The following ETV6 variants were observed in gnomAD, a reference collection of about 807,000 sequenced individuals.
The protein encoded by ETV6 is ETS variant transcription factor 6.
Under a neutral mutation model 51.1 loss-of-function variants are expected in ETV6, and 16 were observed. That is an observed-to-expected ratio of 0.31 (90% CI 0.21 to 0.48). The LOEUF is 0.48. Among genes scored for constraint, ETV6 ranks in the 20% least tolerant of loss-of-function variants. ETV6 has a pLI of 0.99. For synonymous variants in ETV6, 240 were observed against 224.1 expected, an observed-to-expected ratio of 1.07 and a Z score of -0.64; for missense variants, 458 against 594.8, an observed-to-expected ratio of 0.77 and a Z score of 2.39.
intron 1 of ETV6, among the ~76,000 whole-genome samples, chr12:11,726,506 C>T (rs939432242): frequency 8.5e-5 from 13 of 152,112 alleles, no homozygotes; most frequent in African/African-American, 3.1e-4. Context: ...GGCTGAGCAC[C>T]GTAGCTCACA....
At chr12:11,843,896 A>T (rs1014669935) in intron 3 of ETV6, among the ~76,000 whole-genome samples, 2 of 152,190 alleles carry the variant, frequency 1.3e-5, no homozygotes, top group East Asian at 1.9e-4. Flanking sequence ...ATAGTCTCCC[A>T]GTTGGAGGAT....
chr12:11,840,204 C>G (rs2855741), intron 3 of ETV6, among the ~76,000 whole-genome samples: 58,228 of 151,982 alleles, frequency 0.38, 11,569 homozygotes, highest in East Asian at 0.67. Flanking sequence ...GAAAGCTTGT[C>G]TAATTAAGGG....
At chr12:11,698,567 A>G (rs1446141844) in intron 1 of ETV6, among the ~76,000 whole-genome samples, 2 of 150,446 alleles carry the variant, frequency 1.3e-5, no homozygotes, top group South Asian at 2.1e-4. Flanking sequence ...GGGCCTCCCA[A>G]CCTAGACACC....
intron 2 of ETV6, among the ~76,000 whole-genome samples, chr12:11,831,766 A>G (rs1001790074): frequency 3.9e-5 from 6 of 152,178 alleles, no homozygotes; most frequent in Non-Finnish European, 8.8e-5. Context: ...ATTTTCTATC[A>G]TAGATATTGT....
At chr12:11,650,219 C>T in intron 1 of ETV6, 59 bp downstream of exon 1, 2 of 1,456,392 alleles carry the variant, frequency 1.4e-6, no homozygotes, top group Non-Finnish European at 1.9e-6. Context: ...CCGGCCAGGG[C>T]AGTCGTGCTG....
intron 2 of ETV6, among the ~76,000 whole-genome samples, chr12:11,808,715 A>G (rs940028581): frequency 2.0e-5 from 3 of 152,224 alleles, no homozygotes; most frequent in Non-Finnish European, 1.5e-5. Flanking sequence ...AAGCAAAGTA[A>G]AGCTACACCA....
intron 1 of ETV6, among the ~76,000 whole-genome samples, chr12:11,742,182 G>A (rs1470456846): frequency 6.6e-6 from 1 of 152,144 alleles, no homozygotes; most frequent in Non-Finnish European, 1.5e-5. Flanking sequence ...TTAATATTCC[G>A]TTAATCACTG....
At chr12:11,775,336 G>C (rs1019952233) in intron 2 of ETV6, among the ~76,000 whole-genome samples, 2 of 152,166 alleles carry the variant, frequency 1.3e-5, no homozygotes, top group Non-Finnish European at 2.9e-5. Flanking sequence ...GTGGACTGTG[G>C]AAAAAAACTT....
At chr12:11,795,752 C>T (rs1271599195) in intron 2 of ETV6, among the ~76,000 whole-genome samples, 1 of 152,212 alleles carries the variant, frequency 6.6e-6, no homozygotes, top group African/African-American at 2.4e-5. Context: ...CCAGTTCCGG[C>T]TCTGCTACTT....
chr12:11,746,119 G>C (rs1865904085), intron 1 of ETV6, among the ~76,000 whole-genome samples: 1 of 152,224 alleles, frequency 6.6e-6, no homozygotes, highest in Admixed American at 6.5e-5. Flanking sequence ...GCTCTGTTGA[G>C]TCACCCTCAA....
chr12:11,834,629 A>G (rs533844375), intron 2 of ETV6, among the ~76,000 whole-genome samples: 1 of 152,350 alleles, frequency 6.6e-6, no homozygotes, highest in South Asian at 2.1e-4. Context: ...TGCCATAGCT[A>G]GATTATAACT....
At chr12:11,656,262 A>T (rs1863997620) in intron 1 of ETV6, among the ~76,000 whole-genome samples, 2 of 152,234 alleles carry the variant, frequency 1.3e-5, no homozygotes, top group East Asian at 1.9e-4. Context: ...GCAGGCTGTA[A>T]GTGGCAAAGC....
chr12:11,810,187 T>C (rs1392385667), intron 2 of ETV6, among the ~76,000 whole-genome samples: 1 of 152,124 alleles, frequency 6.6e-6, no homozygotes, highest in Non-Finnish European at 1.5e-5. Context: ...TCCAACCCAC[T>C]TTTCTCCTAA....
chr12:11,860,564 C>CA (rs11413276), intron 4 of ETV6, among the ~76,000 whole-genome samples: 39,609 of 135,414 alleles, frequency 0.29, 5,602 homozygotes, highest in African/African-American at 0.39. Context: ...GACTCTGTCT[C>CA]AAAAAAAAAA....
chr12:11,815,964 G>A (rs575373498), intron 2 of ETV6, among the ~76,000 whole-genome samples: 34 of 152,324 alleles, frequency 2.2e-4, no homozygotes, highest in African/African-American at 7.5e-4. Context: ...TGGGATGGCA[G>A]GTTATAGATG....
chr12:11,687,151 TG>T (rs1428257049), intron 1 of ETV6, among the ~76,000 whole-genome samples: 1 of 151,770 alleles, frequency 6.6e-6, no homozygotes, highest in African/African-American at 2.4e-5. Context: ...CTTTCCAAAG[TG>T]GTGGGATTTA....
chr12:11,738,984 G>A (rs1865760638), intron 1 of ETV6, among the ~76,000 whole-genome samples: 1 of 152,172 alleles, frequency 6.6e-6, no homozygotes, highest in Non-Finnish European at 1.5e-5. Flanking sequence ...GATGATTTGT[G>A]TTGGGGAGGA....
Position 11,853,530 on chromosome 12 carries a change from G to A in ETV6, c.432G>A (p.Pro144=), listed in dbSNP as rs769260605. The A allele has an allele frequency of 2.0e-5, 33 of 1,614,036 alleles. No homozygotes were observed. Among genetic ancestry groups the A allele is most frequent in the East Asian group, 1.3e-4 (6 of 44,900 alleles). The change falls in exon 4 of 8, where the codon CCG becomes CCA. Residue 144 remains proline, a synonymous_variant. Coordinates refer to ENST00000396373, the MANE Select transcript of ETV6 (RefSeq NM_001987.5). ...CTGGAAACTCTATACACACACAGCC[G>A]GAGGTCATACTGCATCAGAACCATG... is the stretch of plus-strand genomic sequence containing the variant. ...FHPGNSIHTQ[P]EVILHQNHEE... is the part of the protein sequence containing the mutation.
intron 1 of ETV6, among the ~76,000 whole-genome samples, chr12:11,733,742 A>C (rs1472582444): frequency 6.6e-6 from 1 of 152,222 alleles, no homozygotes; most frequent in Non-Finnish European, 1.5e-5. Flanking sequence ...AGAGCAATCC[A>C]GTTTCCATAC....
Sources: allele counts gnomAD v4.1 joint callset (sites outside exome capture counted in the v4.1 genomes callset), GRCh38; gene constraint gnomAD v4.1.1; transcripts MANE v1.5; gene names NCBI Gene and HGNC (gene_info 2026-07-23, HGNC 2026-07-21).